Variants in DISC1 observed in about 807,000 individuals in gnomAD.
DISC1 encodes disrupted in schizophrenia 1 protein.
Under a neutral mutation model 84.5 loss-of-function variants are expected in DISC1, and 57 were observed. That is an observed-to-expected ratio of 0.67 (90% CI 0.55 to 0.84). The LOEUF is 0.84. DISC1 is among the 40% of genes least tolerant of loss of function. DISC1 has a pLI of 0.00. For synonymous variants in DISC1, 411 were observed against 415.2 expected (o/e 0.99, Z 0.12); for missense variants, 1,000 against 1,057.8 (o/e 0.95, Z 0.76).
At chr1:231,944,432 G>C (rs573856393) in intron 9 of DISC1, among the ~76,000 whole-genome samples, 1 of 152,206 alleles carries the variant, frequency 6.6e-6, no homozygotes, top group Non-Finnish European at 1.5e-5. Context: ...CTTGTCCCTT[G>C]TGCTAACTCG....
chr1:231,807,471 A>G (rs568728515), intron 8 of DISC1, among the ~76,000 whole-genome samples: 5 of 152,328 alleles, frequency 3.3e-5, no homozygotes, highest in Admixed American at 6.5e-5. Flanking sequence ...CTGGCACTCA[A>G]AAGACAGCCA....
chr1:231,721,070 C>G, intron 3 of DISC1: 1 of 1,290,814 alleles, frequency 7.7e-7, no homozygotes, highest in Non-Finnish European at 1.0e-6. Context: ...TTTCCAGAGC[C>G]AGGTCTGTCC....
At chr1:231,659,176 C>T (rs1439707391) in intron 1 of DISC1, among the ~76,000 whole-genome samples, 1 of 152,028 alleles carries the variant, frequency 6.6e-6, no homozygotes, top group Non-Finnish European at 1.5e-5. Flanking sequence ...TTGGTCTATT[C>T]AGAGATTCAA....
chr1:231,950,201 A>AT (rs1430567140), intron 9 of DISC1, among the ~76,000 whole-genome samples: 1 of 103,312 alleles, frequency 9.7e-6, no homozygotes, highest in Non-Finnish European at 2.0e-5. Context: ...ATGAAAAAAA[A>AT]TTCTGTGTGT....
chr1:231,925,739 A>G (rs780080324), intron 9 of DISC1: 4 of 152,152 alleles, frequency 2.6e-5, no homozygotes. Context: ...GGAGTGGGAG[A>G]TATGAGACAC....
chr1:231,923,307 C>CAAAAAAAAAAAAAA (rs1461560372), intron 9 of DISC1, among the ~76,000 whole-genome samples: 6 of 138,526 alleles, frequency 4.3e-5, no homozygotes, highest in African/African-American at 1.6e-4. Flanking sequence ...CAAAAAAAAC[C>CAAAAAAAAAAAAAA]AAAAAAAAAA....
chr1:231,819,540 G>A (rs1159594265), intron 9 of DISC1, among the ~76,000 whole-genome samples: 1 of 152,144 alleles, frequency 6.6e-6, no homozygotes, highest in Non-Finnish European at 1.5e-5. Context: ...ATACCCTTAA[G>A]TTGGCTTAAC....
chr1:231,775,401 G>T (rs1034076059), intron 6 of DISC1, among the ~76,000 whole-genome samples: 13 of 152,192 alleles, frequency 8.5e-5, no homozygotes, highest in Admixed American at 2.6e-4. Context: ...AGATGGGCTG[G>T]AAGTAGAGGG....
In DISC1 at chr1:231,702,006, AATG is replaced by A. The variant is rs753252319; in HGVS notation, c.1105_1107del (p.Asp369del). 6.2e-7 allele frequency: 1 copy of A among 1,607,718 alleles called. No individual in the cohort carries two copies. The highest frequency in any genetic ancestry group is 2.2e-5 in the East Asian group (1 of 44,598). Reference sequence around the variant, plus strand: ...GAAACTTCAGGAAGATGCAGTTGAGAATGATGATTATGATAAAGGTGAGTTTTA... The same window carrying A: ...GAAACTTCAGGAAGATGCAGTTGAGAATGATTATGATAAAGGTGAGTTTTA... On this transcript the variant is annotated inframe_deletion, in exon 3 of 13. Coordinates refer to ENST00000439617, the MANE Select transcript of DISC1 (RefSeq NM_018662.3).
At chr1:231,874,874 A>G (rs538678163) in intron 9 of DISC1, among the ~76,000 whole-genome samples, 73 of 150,352 alleles carry the variant, frequency 4.9e-4, no homozygotes, top group African/African-American at 1.7e-3. Context: ...TCGCGCCACT[A>G]CACTCCAGCT....
chr1:231,987,826 A>C (rs1368505794), intron 10 of DISC1, among the ~76,000 whole-genome samples: 2 of 152,282 alleles, frequency 1.3e-5, no homozygotes, highest in East Asian at 3.9e-4. Flanking sequence ...AATTCAGATC[A>C]ATTTGCATCT....
chr1:231,756,304 A>T (rs531225443), intron 4 of DISC1, among the ~76,000 whole-genome samples: 1 of 152,282 alleles, frequency 6.6e-6, no homozygotes, highest in Admixed American at 6.5e-5. Flanking sequence ...ACTTCTGCTT[A>T]GGTCTTAAAT....
At chr1:231,984,300 C>T (rs1163937155) in intron 10 of DISC1, among the ~76,000 whole-genome samples, 1 of 152,018 alleles carries the variant, frequency 6.6e-6, no homozygotes, top group Non-Finnish European at 1.5e-5. Flanking sequence ...GAATACAACA[C>T]CTTTCAAAGG....
At chr1:231,747,179 G>A (rs948436586) in intron 3 of DISC1, among the ~76,000 whole-genome samples, 3 of 152,022 alleles carry the variant, frequency 2.0e-5, no homozygotes, top group African/African-American at 4.8e-5. Context: ...GATCCTCCTC[G>A]TTTAGCCTCC....
chr1:231,646,602 A>G (rs1411496376), intron 1 of DISC1, among the ~76,000 whole-genome samples: 3 of 152,182 alleles, frequency 2.0e-5, no homozygotes, highest in Admixed American at 1.3e-4. Flanking sequence ...GCCAAATGGT[A>G]TTTCTAGTTC....
intron 3 of DISC1, among the ~76,000 whole-genome samples, chr1:231,734,274 T>A (rs1364782789): frequency 6.6e-6 from 1 of 152,200 alleles, no homozygotes; most frequent in Non-Finnish European, 1.5e-5. Context: ...GTTGGTCATT[T>A]ACTTCCCTGG....
At chr1:231,925,928 C>A (rs964682712) in intron 9 of DISC1, 1 of 152,228 alleles carries the variant, frequency 6.6e-6, no homozygotes, top group African/African-American at 2.4e-5. Flanking sequence ...CTTTGGATTT[C>A]TGGCTGCTGG....
At chr1:231,650,876 C>T (rs142308908) in intron 1 of DISC1, among the ~76,000 whole-genome samples, 183 of 152,252 alleles carry the variant, frequency 1.2e-3, no homozygotes, top group African/African-American at 4.0e-3. Flanking sequence ...CTTGTGCATG[C>T]GTCATGTAGT....
intron 1 of DISC1, among the ~76,000 whole-genome samples, chr1:231,642,683 T>G (rs1479127961): frequency 6.6e-6 from 1 of 152,194 alleles, no homozygotes; most frequent in Non-Finnish European, 1.5e-5. Context: ...AAATGTAAGC[T>G]CTATACAATT....
Sources: gnomAD v4.1 joint callset for allele counts (sites outside exome capture counted in the v4.1 genomes callset) on GRCh38, gnomAD v4.1.1 for gene constraint, MANE v1.5 for transcripts, NCBI Gene and HGNC (gene_info 2026-07-23, HGNC 2026-07-21) for gene names.